PLCB1: variants seen among roughly 807,000 people sequenced by gnomAD.
The protein encoded by PLCB1 is phospholipase C beta 1.
PLCB1 carries 46 observed loss-of-function variants against 161.8 expected under a neutral mutation model. The observed-to-expected ratio is 0.28, with a 90% CI of 0.22 to 0.36. PLCB1 has a LOEUF of 0.36. PLCB1 is among the 10% of genes least tolerant of loss of function. The probability of loss-of-function intolerance (pLI) is 1.00; values close to 1 mark genes in which losing one functional copy is unlikely to be tolerated. For synonymous variants in PLCB1, 517 were observed against 503.7 expected (o/e 1.03, Z -0.35); for missense variants, 1,016 against 1,472.5 (o/e 0.69, Z 5.07).
chr20:8,316,199 C>G (rs1458155495), intron 2 of PLCB1, among the ~76,000 whole-genome samples: 1 of 152,142 alleles, frequency 6.6e-6, no homozygotes, highest in African/African-American at 2.4e-5. Context: ...GTTGGACATT[C>G]TGGGGGAAGA....
At chr20:8,838,816 A>G (rs928830228) in intron 31 of PLCB1, among the ~76,000 whole-genome samples, 8 of 152,322 alleles carry the variant, frequency 5.3e-5, no homozygotes, top group African/African-American at 1.9e-4. Context: ...GGTGACTCCA[A>G]TTGCAGCTGT....
intron 31 of PLCB1, among the ~76,000 whole-genome samples, chr20:8,832,307 A>C (rs1679245313): frequency 6.6e-6 from 1 of 152,188 alleles, no homozygotes; most frequent in African/African-American, 2.4e-5. Flanking sequence ...AGGGAACTGG[A>C]GGGTTATATG....
intron 3 of PLCB1, among the ~76,000 whole-genome samples, chr20:8,499,882 T>C (rs919762859): frequency 3.3e-5 from 5 of 152,174 alleles, no homozygotes; most frequent in African/African-American, 1.2e-4. Flanking sequence ...CACTGATAAA[T>C]AAACAGGTAA....
At chr20:8,431,153 C>G (rs1197729223) in intron 3 of PLCB1, among the ~76,000 whole-genome samples, 1 of 152,080 alleles carries the variant, frequency 6.6e-6, no homozygotes, top group Non-Finnish European at 1.5e-5. Flanking sequence ...TTCTAAGCCT[C>G]AAACGAAGTG....
chr20:8,818,522 C>T (rs903673091), intron 31 of PLCB1, among the ~76,000 whole-genome samples: 2 of 152,140 alleles, frequency 1.3e-5, no homozygotes, highest in East Asian at 3.8e-4. Flanking sequence ...ATGTGAATAA[C>T]TATTCAGAAT....
intron 27 of PLCB1, among the ~76,000 whole-genome samples, chr20:8,778,784 T>C (rs1451231242): frequency 6.6e-6 from 1 of 152,210 alleles, no homozygotes; most frequent in Non-Finnish European, 1.5e-5. Flanking sequence ...AAAGCCTGAA[T>C]ATCTTGGAAT....
chr20:8,184,408 G>C (rs759778792), intron 2 of PLCB1, among the ~76,000 whole-genome samples: 2 of 152,070 alleles, frequency 1.3e-5, no homozygotes, highest in African/African-American at 4.8e-5. Flanking sequence ...CATTACTTAT[G>C]TAACTAAAAA....
chr20:8,198,931 C>T (rs1453446220), intron 2 of PLCB1, among the ~76,000 whole-genome samples: 4 of 151,454 alleles, frequency 2.6e-5, no homozygotes, highest in Non-Finnish European at 5.9e-5. Flanking sequence ...GAGAAAGACA[C>T]ACACACAGAC....
At chr20:8,582,573 A>ATC (rs1345945702) in intron 3 of PLCB1, among the ~76,000 whole-genome samples, 1 of 152,024 alleles carries the variant, frequency 6.6e-6, no homozygotes, top group Non-Finnish European at 1.5e-5. Flanking sequence ...CTCTCAATGA[A>ATC]TCCCTGCCTT....
chr20:8,433,724 A>G lies in PLCB1; in HGVS notation c.246+62274A>G, dbSNP rs968280928. On this transcript the variant is annotated intron_variant, in intron 3 of 31. Transcript: ENST00000338037. ...TCTCCTCTTCCTCCTCCTCCTCCTC[A>G]TCCTCCTCCTCCTCCTCCTCATGGA... Among the ~76,000 whole-genome samples the G allele has an allele frequency of 1.4e-5, 2 of 146,778 alleles. 1 individual carries two copies. The highest frequency in any genetic ancestry group is 5.1e-5 in the African/African-American group (2 of 39,088).
intron 2 of PLCB1, among the ~76,000 whole-genome samples, chr20:8,275,139 A>G (rs1312894556): frequency 6.6e-6 from 1 of 151,930 alleles, no homozygotes; most frequent in Non-Finnish European, 1.5e-5. Flanking sequence ...TTGAGAAGGG[A>G]GGCTGAAGGG....
At chr20:8,172,641 G>A (rs2051744664) in intron 2 of PLCB1, among the ~76,000 whole-genome samples, 1 of 152,150 alleles carries the variant, frequency 6.6e-6, no homozygotes, top group Non-Finnish European at 1.5e-5. Context: ...TTGGACTTGT[G>A]TTTTTTAAAA....
At chr20:8,562,565 T>C (rs775521271) in intron 3 of PLCB1, among the ~76,000 whole-genome samples, 1 of 152,092 alleles carries the variant, frequency 6.6e-6, no homozygotes, top group Non-Finnish European at 1.5e-5. Flanking sequence ...TAATTAACAA[T>C]TGATATTTGT....
chr20:8,279,612 G>A (rs1386377732), intron 2 of PLCB1, among the ~76,000 whole-genome samples: 1 of 152,102 alleles, frequency 6.6e-6, no homozygotes, highest in Non-Finnish European at 1.5e-5. Context: ...TTTGTTACAT[G>A]TACTTTACCA....
At chr20:8,638,020 C>T (rs767306277) in intron 4 of PLCB1, among the ~76,000 whole-genome samples, 2 of 152,168 alleles carry the variant, frequency 1.3e-5, no homozygotes, top group Non-Finnish European at 2.9e-5. Context: ...CTCAGCCTCC[C>T]GAGTAGCTGG....
intron 25 of PLCB1, among the ~76,000 whole-genome samples, chr20:8,761,685 A>G (rs1034214686): frequency 6.6e-6 from 1 of 151,842 alleles, no homozygotes; most frequent in Non-Finnish European, 1.5e-5. Context: ...CACCCGGCTA[A>G]TTTTGTATTT....
At chr20:8,250,629 T>C (rs900451282) in intron 2 of PLCB1, among the ~76,000 whole-genome samples, 3 of 151,960 alleles carry the variant, frequency 2.0e-5, no homozygotes, top group Non-Finnish European at 4.4e-5. Context: ...CATTTTAAAC[T>C]TTTAGTGAAC....
At chr20:8,234,837 GT>G (rs1980238428) in intron 2 of PLCB1, among the ~76,000 whole-genome samples, 1 of 152,064 alleles carries the variant, frequency 6.6e-6, no homozygotes. Flanking sequence ...GTGAATTTCT[GT>G]TTCTTTTTGC....
chr20:8,706,970 G>A lies in PLCB1; in HGVS notation c.1168-1700G>A, dbSNP rs187175661. On this transcript the variant is annotated intron_variant, in intron 11 of 31. Coordinates refer to ENST00000338037, the MANE Select transcript of PLCB1 (RefSeq NM_015192.4). Reference sequence around the variant, plus strand: ...GGTCACACAGCTTGCAAATCTCAGAGGCAAGGATTCAAAAGTCGGTTTGAA... The same window carrying A: ...GGTCACACAGCTTGCAAATCTCAGAAGCAAGGATTCAAAAGTCGGTTTGAA... 1.6e-4 allele frequency among the ~76,000 whole-genome samples: 25 copies of A among 152,264 alleles called. No individual in the cohort carries two copies. The East Asian group carries it at 3.5e-3, about 21-fold the overall frequency.
Sources: allele counts gnomAD v4.1 joint callset (sites outside exome capture counted in the v4.1 genomes callset), GRCh38; gene constraint gnomAD v4.1.1; transcripts MANE v1.5; gene names NCBI Gene and HGNC (gene_info 2026-07-23, HGNC 2026-07-21).